Variants in PCDH15 observed in about 807,000 individuals in gnomAD.
PCDH15 encodes the protein protocadherin related 15.
Under a neutral mutation model 178.5 loss-of-function variants are expected in PCDH15, and 129 were observed. The observed-to-expected ratio is 0.72, with a 90% confidence interval of 0.63 to 0.84. PCDH15 has a LOEUF of 0.84. Ranked by LOEUF, PCDH15 falls within the 40% of genes least tolerant of loss-of-function variation. The pLI, the probability that PCDH15 is intolerant of heterozygous loss-of-function variation, is 0.00. For synonymous variants in PCDH15, 800 were observed against 732.0 expected (o/e 1.09, Z -1.50); for missense variants, 2,230 against 2,099.9 (o/e 1.06, Z -1.21).
chr10:54,765,341 G>A (rs543248911), intron 1 of PCDH15, among the ~76,000 whole-genome samples: 130 of 152,168 alleles, frequency 8.5e-4, no homozygotes, highest in Non-Finnish European at 1.6e-3. Flanking sequence ...AATTACATGC[G>A]CTATAATTCT....
At chr10:53,854,130 A>T (rs1186746705) in intron 28 of PCDH15, among the ~76,000 whole-genome samples, 1 of 151,962 alleles carries the variant, frequency 6.6e-6, no homozygotes, top group Non-Finnish European at 1.5e-5. Flanking sequence ...AATCATGGGA[A>T]TATCATGCTA....
At chr10:54,893,303 C>G (rs564792034) in intron 3 of PCDH15, among the ~76,000 whole-genome samples, 44 of 152,052 alleles carry the variant, frequency 2.9e-4, no homozygotes, top group Admixed American at 5.9e-4. Context: ...TTATAATGCA[C>G]TGAAAATGAG....
At chr10:54,163,308 C>T (rs1590881842) in intron 13 of PCDH15, among the ~76,000 whole-genome samples, 1 of 152,052 alleles carries the variant, frequency 6.6e-6, no homozygotes, top group South Asian at 2.1e-4. Context: ...ACTCACAGTT[C>T]CACAGGCTTA....
chr10:54,484,757 G>GA (rs1462369443), intron 3 of PCDH15, among the ~76,000 whole-genome samples: 1 of 151,638 alleles, frequency 6.6e-6, no homozygotes, highest in African/African-American at 2.4e-5. Flanking sequence ...CAAGGAGTTG[G>GA]AAAAAAATTA....
At chr10:54,771,104 T>A (rs1435849777) in intron 1 of PCDH15, among the ~76,000 whole-genome samples, 1 of 152,144 alleles carries the variant, frequency 6.6e-6, no homozygotes, top group Non-Finnish European at 1.5e-5. Context: ...ACACTCATCA[T>A]GAACCAGATA....
chr10:54,050,116 A>C (rs1039228818), intron 18 of PCDH15, among the ~76,000 whole-genome samples: 2 of 152,076 alleles, frequency 1.3e-5, no homozygotes, highest in Non-Finnish European at 2.9e-5. Flanking sequence ...GAAGTTTTGG[A>C]ATAGTTTCAG....
At chr10:54,776,712 T>A (rs1175197116) in intron 1 of PCDH15, among the ~76,000 whole-genome samples, 1 of 152,202 alleles carries the variant, frequency 6.6e-6, no homozygotes, top group African/African-American at 2.4e-5. Context: ...CAAGTAGGAT[T>A]TTCCCCTGAA....
intron 2 of PCDH15, among the ~76,000 whole-genome samples, chr10:55,078,012 T>G (rs1296286678): frequency 1.3e-5 from 2 of 152,206 alleles, no homozygotes; most frequent in African/African-American, 2.4e-5. Flanking sequence ...CTGGTCTGGT[T>G]GTCATGAATC....
chr10:53,965,438 A>C (rs2088906191), intron 21 of PCDH15, among the ~76,000 whole-genome samples: 1 of 152,230 alleles, frequency 6.6e-6, no homozygotes, highest in Admixed American at 6.5e-5. Flanking sequence ...AAAATGCCAA[A>C]GTTATTAATT....
intron 2 of PCDH15, among the ~76,000 whole-genome samples, chr10:54,945,963 A>G (rs2131868901): frequency 6.6e-6 from 1 of 151,984 alleles, no homozygotes; most frequent in Non-Finnish European, 1.5e-5. Context: ...TTTGTGTGTT[A>G]GTCATACATA....
intron 1 of PCDH15, among the ~76,000 whole-genome samples, chr10:55,231,136 T>C (rs1464335005): frequency 6.6e-6 from 1 of 152,022 alleles, no homozygotes; most frequent in East Asian, 1.9e-4. Context: ...CTGAGAAATA[T>C]GGTGTTTTAG....
intron 2 of PCDH15, among the ~76,000 whole-genome samples, chr10:55,406,928 A>C (rs1242531243): frequency 2.0e-4 from 30 of 152,218 alleles, no homozygotes; most frequent in Non-Finnish European, 4.4e-5. Context: ...ATGCCAAGTA[A>C]AGAAAGTAAT....
intron 1 of PCDH15, among the ~76,000 whole-genome samples, chr10:55,205,459 T>C (rs945245935): frequency 7.2e-5 from 11 of 152,060 alleles, no homozygotes; most frequent in African/African-American, 2.7e-4. Context: ...AATATATATA[T>C]GTGTGTGTTC....
chr10:55,599,722 T>A, intron 2 of PCDH15: 1 of 395,688 alleles, frequency 2.5e-6, no homozygotes, highest in African/African-American at 2.0e-5. Flanking sequence ...TAAGGAAAGA[T>A]TACAAAAAGT....
intron 28 of PCDH15, among the ~76,000 whole-genome samples, chr10:53,851,438 A>G (rs1266451154): frequency 6.6e-6 from 1 of 151,398 alleles, no homozygotes; most frequent in Non-Finnish European, 1.5e-5. Context: ...TAACTAATAA[A>G]TCCCCAGCTC....
chr10:54,015,818 T>C (rs932788676), intron 20 of PCDH15, among the ~76,000 whole-genome samples: 1 of 152,026 alleles, frequency 6.6e-6, no homozygotes, highest in African/African-American at 2.4e-5. Flanking sequence ...CTCGGAAATA[T>C]CATTCTGGAC....
chr10:54,568,199 A>G (rs2133502554), intron 2 of PCDH15, among the ~76,000 whole-genome samples: 1 of 152,036 alleles, frequency 6.6e-6, no homozygotes, highest in South Asian at 2.1e-4. Flanking sequence ...CCATGTTAGT[A>G]AGGCCTGTGA....
chr10:54,155,591 C>A (rs553820904), intron 13 of PCDH15, among the ~76,000 whole-genome samples: 222 of 151,888 alleles, frequency 1.5e-3, no homozygotes, highest in South Asian at 3.7e-3. Context: ...CGTAGTCCAC[C>A]GTCAGAAAAA....
At chr10:54,833,824 G>A (rs536396817) in intron 3 of PCDH15, among the ~76,000 whole-genome samples, 3 of 152,264 alleles carry the variant, frequency 2.0e-5, no homozygotes, top group Non-Finnish European at 2.9e-5. Context: ...GTCTTAGTTC[G>A]TGGGAGCCTG....
Sources: gnomAD v4.1 joint callset for allele counts (sites outside exome capture counted in the v4.1 genomes callset) on GRCh38, gnomAD v4.1.1 for gene constraint, MANE v1.5 for transcripts, NCBI Gene and HGNC (gene_info 2026-07-23, HGNC 2026-07-21) for gene names.